GATAD2B: variants seen among roughly 807,000 people sequenced by gnomAD.
GATAD2B encodes transcriptional repressor p66-beta.
In GATAD2B, 8 loss-of-function variants were observed where a neutral mutation model predicts 64.3. That is an observed-to-expected ratio of 0.12 (90% CI 0.07 to 0.22). GATAD2B has a LOEUF of 0.22. GATAD2B is among the 10% of genes least tolerant of loss of function. GATAD2B has a pLI of 1.00. For missense variants in GATAD2B, 453 were observed against 752.0 expected (o/e 0.60, Z 4.65); for synonymous variants, 281 against 271.3 (o/e 1.04, Z -0.35).
chr1:153,862,983 C>CA (rs757889647), intron 1 of GATAD2B, among the ~76,000 whole-genome samples: 17 of 149,532 alleles, frequency 1.1e-4, no homozygotes, highest in Non-Finnish European at 2.4e-4. Context: ...CTCGGCCTCC[C>CA]AAAGTGCTGG....
chr1:153,841,369 G>C (rs919694898), intron 1 of GATAD2B, among the ~76,000 whole-genome samples: 3 of 152,082 alleles, frequency 2.0e-5, no homozygotes, highest in Admixed American at 6.6e-5. Context: ...CATCATCACA[G>C]TTAAGAAACA....
chr1:153,878,455 C>T (rs1315032882), intron 1 of GATAD2B, among the ~76,000 whole-genome samples: 2 of 151,984 alleles, frequency 1.3e-5, no homozygotes, highest in African/African-American at 4.8e-5. Context: ...AAAGTAATAA[C>T]CTCATATTCA....
At chr1:153,921,037 T>C (rs1372956325) in intron 1 of GATAD2B, among the ~76,000 whole-genome samples, 4 of 152,130 alleles carry the variant, frequency 2.6e-5, no homozygotes, top group African/African-American at 7.2e-5. Context: ...AACTCCTCCA[T>C]AGCACCTCCA....
intron 2 of GATAD2B, among the ~76,000 whole-genome samples, chr1:153,826,700 G>A (rs1674889960): frequency 6.6e-6 from 1 of 152,220 alleles, no homozygotes; most frequent in East Asian, 1.9e-4. Context: ...AGCACTTTGG[G>A]AGGCCAATGT....
At chr1:153,919,475 A>C (rs1337865637) in intron 1 of GATAD2B, among the ~76,000 whole-genome samples, 1 of 152,220 alleles carries the variant, frequency 6.6e-6, no homozygotes, top group African/African-American at 2.4e-5. Context: ...ATTCTTCAGA[A>C]GCTTTCATCA....
rs780106904 is a variant in GATAD2B at position 153,868,691 on chromosome 1, T to C, written c.-1-40343A>G. Among the ~76,000 whole-genome samples the C allele has an allele frequency of 2.0e-5, 3 of 151,812 alleles. No individual in the cohort carries two copies. In the South Asian group the frequency reaches 6.2e-4, roughly 31 times the overall value. On this transcript the variant is annotated intron_variant, in intron 1 of 10. Coordinates refer to ENST00000368655, the MANE Select transcript of GATAD2B (RefSeq NM_020699.4). ...TAGTGTTTATTAACTACTCTACAGATCTTATTCACATGTCACCAGTTTTCC... is the reference window on the plus strand; with the variant it reads ...TAGTGTTTATTAACTACTCTACAGACCTTATTCACATGTCACCAGTTTTCC...
chr1:153,890,362 C>T (rs911201870), intron 1 of GATAD2B, among the ~76,000 whole-genome samples: 2 of 150,910 alleles, frequency 1.3e-5, no homozygotes, highest in East Asian at 3.9e-4. Flanking sequence ...GTGGCACGCA[C>T]CTGTAGTCCC....
chr1:153,905,704 G>C (rs1015276659), intron 1 of GATAD2B, among the ~76,000 whole-genome samples: 1 of 150,732 alleles, frequency 6.6e-6, no homozygotes, highest in Admixed American at 6.7e-5. Flanking sequence ...GGCTGAAGCA[G>C]GAAAACTGCT....
intron 1 of GATAD2B, among the ~76,000 whole-genome samples, chr1:153,838,988 A>G (rs1196892748): frequency 4.6e-5 from 7 of 151,904 alleles, no homozygotes; most frequent in Admixed American, 3.9e-4. Flanking sequence ...GCATGCCTGT[A>G]ATCCCAGCTA....
At chr1:153,901,025 C>A (rs574222847) in intron 1 of GATAD2B, among the ~76,000 whole-genome samples, 1 of 151,998 alleles carries the variant, frequency 6.6e-6, no homozygotes. Flanking sequence ...ACCAGCCTGG[C>A]CAACCTGGCA....
chr1:153,881,698 G>A (rs1677015075), intron 1 of GATAD2B, among the ~76,000 whole-genome samples: 1 of 152,130 alleles, frequency 6.6e-6, no homozygotes, highest in Non-Finnish European at 1.5e-5. Flanking sequence ...CCTTCCTCTA[G>A]CTTCCAGAAA....
chr1:153,896,687 C>T (rs1338402650), intron 1 of GATAD2B, among the ~76,000 whole-genome samples: 5 of 152,050 alleles, frequency 3.3e-5, no homozygotes, highest in Admixed American at 6.6e-5. Context: ...CCGCCTGGCT[C>T]GGCCTCCCAA....
chr1:153,883,211 A>G (rs1167255940), intron 1 of GATAD2B, among the ~76,000 whole-genome samples: 1 of 152,202 alleles, frequency 6.6e-6, no homozygotes, highest in Non-Finnish European at 1.5e-5. Flanking sequence ...GAGAAAAATA[A>G]TCTTCACCCT....
chr1:153,891,662 T>TGGG (rs149626287), intron 1 of GATAD2B, among the ~76,000 whole-genome samples: 5 of 41,654 alleles, frequency 1.2e-4, no homozygotes, highest in African/African-American at 4.6e-4. Context: ...GAGGTAAGTA[T>TGGG]GGGGGGGGGG....
chr1:153,817,165 T>C (rs1674505835), intron 6 of GATAD2B, among the ~76,000 whole-genome samples: 1 of 152,242 alleles, frequency 6.6e-6, no homozygotes, highest in Admixed American at 6.5e-5. Flanking sequence ...TGCTCTGCTG[T>C]ATAACCTCTC....
intron 1 of GATAD2B, among the ~76,000 whole-genome samples, chr1:153,912,945 T>C (rs1678150256): frequency 6.6e-6 from 1 of 151,752 alleles, no homozygotes; most frequent in Non-Finnish European, 1.5e-5. Flanking sequence ...ATACAAAAAT[T>C]AGCCAGGCGT....
chr1:153,914,148 C>A (rs1678184925), intron 1 of GATAD2B, among the ~76,000 whole-genome samples: 1 of 138,360 alleles, frequency 7.2e-6, no homozygotes, highest in Admixed American at 8.3e-5. Flanking sequence ...GAGGCTGACA[C>A]AGGAGAATCG....
intron 1 of GATAD2B, among the ~76,000 whole-genome samples, chr1:153,874,920 C>T (rs1307223525): frequency 6.6e-6 from 1 of 152,034 alleles, no homozygotes; most frequent in African/African-American, 2.4e-5. Context: ...GTCACCCAGG[C>T]TGGAGCACAG....
At chr1:153,888,589 T>C (rs1161801973) in intron 1 of GATAD2B, among the ~76,000 whole-genome samples, 1 of 152,238 alleles carries the variant, frequency 6.6e-6, no homozygotes, top group East Asian at 1.9e-4. Flanking sequence ...CATACTTTTC[T>C]GACAACAAAA....
Sources: allele counts gnomAD v4.1 joint callset (sites outside exome capture counted in the v4.1 genomes callset), GRCh38; gene constraint gnomAD v4.1.1; transcripts MANE v1.5; gene names NCBI Gene and HGNC (gene_info 2026-07-23, HGNC 2026-07-21).